Variants in LARP1B observed in about 807,000 individuals in gnomAD.
LARP1B encodes la-related protein 1B.
A neutral mutation model predicts 114.2 loss-of-function variants in LARP1B; 76 were observed. The ratio of observed to expected loss-of-function variants is 0.67; its 90% CI spans 0.55 to 0.81. The LOEUF is 0.81. LARP1B is among the 30% of genes least tolerant of loss of function. LARP1B has a pLI of 0.00. For synonymous variants in LARP1B, 345 were observed against 348.0 expected (o/e 0.99, Z 0.10); for missense variants, 1,014 against 1,075.8 (o/e 0.94, Z 0.80).
chr4:128,090,879 A>G (rs1775668234), intron 5 of LARP1B, 122 bp from the exon 6 acceptor site: 1 of 669,196 alleles, frequency 1.5e-6, no homozygotes, highest in Admixed American at 3.0e-5. Flanking sequence ...CATCTGAAAA[A>G]TGCCTGGCTA....
At chr4:128,095,366 G>C (rs965336154) in intron 7 of LARP1B, among the ~76,000 whole-genome samples, 1 of 151,598 alleles carries the variant, frequency 6.6e-6, no homozygotes, top group Admixed American at 6.6e-5. Context: ...GCACACACCT[G>C]TAGTCCCAGC....
chr4:128,128,870 T>A (rs1397347526), intron 11 of LARP1B, among the ~76,000 whole-genome samples: 1 of 151,820 alleles, frequency 6.6e-6, no homozygotes, highest in Non-Finnish European at 1.5e-5. Flanking sequence ...AAAACCCTGA[T>A]GAAAGAAAAA....
At chr4:128,061,973 C>G (rs1478062506) in intron 1 of LARP1B, 4 of 985,084 alleles carry the variant, frequency 4.1e-6, no homozygotes, top group Non-Finnish European at 4.8e-6. Context: ...GCACAAGGCG[C>G]GTGGGCCCGG....
downstream of LARP1B, among the ~76,000 whole-genome samples, chr4:128,213,249 T>C (rs149189317): frequency 2.4e-4 from 37 of 152,118 alleles, no homozygotes; most frequent in Middle Eastern, 3.4e-3. Flanking sequence ...ATTTTAATCA[T>C]TTTAAATGAT....
chr4:128,106,111 G>A (rs1782000241), intron 8 of LARP1B, among the ~76,000 whole-genome samples: 2 of 151,390 alleles, frequency 1.3e-5, no homozygotes, highest in Admixed American at 1.3e-4. Context: ...GCAACCTCCA[G>A]CTCCCTGGTT....
chr4:128,182,221 C>T (rs868439060), intron 15 of LARP1B, among the ~76,000 whole-genome samples: 30 of 151,392 alleles, frequency 2.0e-4, no homozygotes, highest in South Asian at 2.1e-4. Context: ...TCAAGTGATC[C>T]TCCCACTTCA....
At chr4:128,134,470 A>G (rs1792613242) in intron 11 of LARP1B, among the ~76,000 whole-genome samples, 1 of 152,226 alleles carries the variant, frequency 6.6e-6, no homozygotes, top group Non-Finnish European at 1.5e-5. Flanking sequence ...AGACTTAAAC[A>G]TATTACATAA....
intron 12 of LARP1B, among the ~76,000 whole-genome samples, chr4:128,166,728 T>G (rs1298528688): frequency 6.6e-6 from 1 of 151,524 alleles, no homozygotes; most frequent in Non-Finnish European, 1.5e-5. Flanking sequence ...CTCCCCATTC[T>G]CCTTCATCCC....
downstream of LARP1B, among the ~76,000 whole-genome samples, chr4:128,214,185 C>T (rs1331340900): frequency 1.3e-4 from 18 of 134,838 alleles, no homozygotes; most frequent in African/African-American, 4.1e-4. Flanking sequence ...GCTAGCACAG[C>T]AGTCTGAGAT....
intron 8 of LARP1B, among the ~76,000 whole-genome samples, chr4:128,100,632 CTTT>C (rs369517175): frequency 6.6e-6 from 1 of 151,988 alleles, no homozygotes; most frequent in Non-Finnish European, 1.5e-5. Context: ...TTTTCATGTG[CTTT>C]TTTGTCTGCA....
At chr4:128,103,143 T>C (rs142398971) in intron 8 of LARP1B, among the ~76,000 whole-genome samples, 62 of 152,308 alleles carry the variant, frequency 4.1e-4, no homozygotes, top group African/African-American at 1.3e-3. Context: ...ACTCATTGTT[T>C]AGGAGTTCAG....
At chr4:128,141,159 G>A (rs549779571) in intron 11 of LARP1B, among the ~76,000 whole-genome samples, 1 of 152,116 alleles carries the variant, frequency 6.6e-6, no homozygotes, top group South Asian at 2.1e-4. Context: ...TTCCTTTCCA[G>A]TGGTCTGCTT....
intron 15 of LARP1B, among the ~76,000 whole-genome samples, chr4:128,189,167 G>T (rs1209735536): frequency 9.9e-5 from 15 of 151,270 alleles, no homozygotes; most frequent in Non-Finnish European, 1.5e-5. Context: ...AATATATCTG[G>T]GTGCTCCAGA....
chr4:128,199,565 A>C lies in LARP1B; in HGVS notation c.2130A>C (p.Gln710His), dbSNP rs762124964. 1.3e-6 allele frequency: 2 copies of C among 1,587,636 alleles called. No individual in the cohort carries two copies. The highest frequency in any genetic ancestry group is 2.3e-5 in the East Asian group (1 of 44,170). The part of the protein sequence containing the change: ...ELLKENGFTQ[Q>H]VYHKYRRRCL... ...TGAAGGAAAATGGCTTTACCCAACAAGTGTACCACAAGTATCGTCGAAGAT... is the reference window on the plus strand; with the variant it reads ...TGAAGGAAAATGGCTTTACCCAACACGTGTACCACAAGTATCGTCGAAGAT... The change falls in exon 16 of 20, where the codon CAA (glutamine) becomes CAC (histidine). Residue 710 changes from glutamine to histidine, a missense_variant. Coordinates refer to ENST00000326639, the MANE Select transcript of LARP1B (RefSeq NM_018078.4).
At chr4:128,080,960 A>C (rs916809916) in intron 4 of LARP1B, among the ~76,000 whole-genome samples, 2 of 152,160 alleles carry the variant, frequency 1.3e-5, no homozygotes, top group Admixed American at 1.3e-4. Context: ...CAAAGTATAC[A>C]TTATAGCGTT....
In LARP1B at chr4:128,199,494, A is replaced by G. The variant is rs149698527; in HGVS notation, c.2059A>G (p.Thr687Ala). The G allele has an allele frequency of 2.5e-4, 398 of 1,603,204 alleles. 1 individual carries two copies. In the African/African-American group the frequency reaches 4.3e-3, roughly 17 times the overall value. Residue 687 changes from threonine (T) to alanine (A), a missense_variant, in exon 16 of 20, where the codon ACT becomes GCT. Coordinates refer to ENST00000326639, the MANE Select transcript of LARP1B (RefSeq NM_018078.4). ...GAPLAGSYGCTPHSFPKFQHP... is the reference protein window; with the variant it reads ...GAPLAGSYGCAPHSFPKFQHP... ...ACCACTAGCAGGAAGTTATGGATGTACTCCTCATTCATTCCCAAAGTTCCA... is the reference window on the plus strand; with the variant it reads ...ACCACTAGCAGGAAGTTATGGATGTGCTCCTCATTCATTCCCAAAGTTCCA...
intron 8 of LARP1B, among the ~76,000 whole-genome samples, chr4:128,106,079 A>G (rs1401039801): frequency 1.3e-5 from 2 of 151,136 alleles, no homozygotes; most frequent in East Asian, 3.9e-4. Context: ...GCTGGAGTCC[A>G]GTGGCGCCAT....
chr4:128,063,930 G>T (rs888264584), intron 1 of LARP1B, among the ~76,000 whole-genome samples: 1 of 152,026 alleles, frequency 6.6e-6, no homozygotes, highest in Admixed American at 6.6e-5. Flanking sequence ...ATATTTGAGC[G>T]TGTTTACTGG....
At chr4:128,197,049 GA>G (rs1462178335) in intron 15 of LARP1B, among the ~76,000 whole-genome samples, 1 of 152,162 alleles carries the variant, frequency 6.6e-6, no homozygotes, top group Non-Finnish European at 1.5e-5. Flanking sequence ...GGGAGGGGTA[GA>G]GGGGTAGTTT....
Sources: allele counts gnomAD v4.1 joint callset (sites outside exome capture counted in the v4.1 genomes callset), GRCh38; gene constraint gnomAD v4.1.1; transcripts MANE v1.5; gene names NCBI Gene and HGNC (gene_info 2026-07-23, HGNC 2026-07-21).